ZSCAN5A: variants seen among roughly 807,000 people sequenced by gnomAD.
ZSCAN5A encodes zinc finger and SCAN domain containing 5A.
ZSCAN5A carries 12 observed loss-of-function variants against 23.7 expected under a neutral mutation model. That is an observed-to-expected ratio of 0.51 (90% CI 0.32 to 0.82). ZSCAN5A has a LOEUF of 0.82. Ranked by LOEUF, ZSCAN5A falls within the 40% of genes least tolerant of loss-of-function variation. The pLI is 0.03. For missense variants in ZSCAN5A, 597 were observed against 617.9 expected (o/e 0.97, Z 0.36); for synonymous variants, 257 against 239.9 (o/e 1.07, Z -0.66).
intron 2 of ZSCAN5A, among the ~76,000 whole-genome samples, chr19:56,299,626 C>T (rs1180736831): frequency 3.3e-5 from 5 of 152,106 alleles, no homozygotes; most frequent in African/African-American, 9.7e-5. Flanking sequence ...TGTTCAAGTC[C>T]GTGATATAAA....
rs201480874 is a variant in ZSCAN5A, at chr19:56,247,693, CTTTT to C, written c.-127-22524_-127-22521del. Among the ~76,000 whole-genome samples, 618 of 76,458 alleles carry C rather than the reference CTTTT, an allele frequency of 8.1e-3. 3 individuals carry two copies. Among genetic ancestry groups the C allele is most frequent in the African/African-American group, 0.031 (594 of 19,212 alleles). 50.2% of individuals were successfully genotyped at this position (76,458 alleles called of 152,430 possible). On this transcript the variant is annotated intron_variant, in intron 2 of 5. Transcript: ENST00000683990. ...ATGTGGGTGTGTGTTGCTGTTCTTT[CTTTT>C]ATTATTTTTTTTGAGACGGAGTCTT...
intron 2 of ZSCAN5A, among the ~76,000 whole-genome samples, chr19:56,274,096 G>C (rs2038065433): frequency 6.6e-6 from 1 of 152,146 alleles, no homozygotes; most frequent in African/African-American, 2.4e-5. Context: ...ATGCAGAAAG[G>C]CTCTCTTTAT....
intron 2 of ZSCAN5A, chr19:56,321,243 G>C: frequency 1.5e-6 from 1 of 670,888 alleles, no homozygotes. Flanking sequence ...AATATCAGTT[G>C]GGGTATCAGT....
At chr19:56,249,544 T>A (rs2036197264) in intron 2 of ZSCAN5A, among the ~76,000 whole-genome samples, 1 of 152,216 alleles carries the variant, frequency 6.6e-6, no homozygotes, top group South Asian at 2.1e-4. Context: ...TGTGCTGGGA[T>A]TACATGAGCA....
chr19:56,277,758 G>T (rs555947768), intron 2 of ZSCAN5A, among the ~76,000 whole-genome samples: 1 of 152,018 alleles, frequency 6.6e-6, no homozygotes, highest in Non-Finnish European at 1.5e-5. Context: ...CAGAAGGAAG[G>T]AGGGTGGCAG....
chr19:56,293,675 T>C (rs965725347), intron 2 of ZSCAN5A, among the ~76,000 whole-genome samples: 3 of 152,186 alleles, frequency 2.0e-5, no homozygotes, highest in Admixed American at 6.5e-5. Context: ...ATCATGCACT[T>C]GGCAGGATGA....
intron 2 of ZSCAN5A, among the ~76,000 whole-genome samples, chr19:56,354,335 A>G (rs2041688613): frequency 6.6e-6 from 1 of 150,940 alleles, no homozygotes; most frequent in Non-Finnish European, 1.5e-5. Context: ...GGTTTTTTAA[A>G]AGAGTATTAT....
intron 2 of ZSCAN5A, among the ~76,000 whole-genome samples, chr19:56,258,918 T>C (rs1054469009): frequency 2.0e-5 from 3 of 152,034 alleles, no homozygotes; most frequent in Admixed American, 2.0e-4. Flanking sequence ...GAGGCTGCCA[T>C]GTTGTGAGGG....
intron 2 of ZSCAN5A, among the ~76,000 whole-genome samples, chr19:56,326,305 TTGTGTGTG>T (rs368735639): frequency 3.4e-5 from 5 of 145,536 alleles, no homozygotes; most frequent in Non-Finnish European, 6.1e-5. Flanking sequence ...ACAGTTACCA[TTGTGTGTG>T]TGTGTGTGTG....
At chr19:56,266,263 T>C (rs2037461878) in intron 2 of ZSCAN5A, 2 of 152,198 alleles carry the variant, frequency 1.3e-5, no homozygotes, top group South Asian at 4.1e-4. Flanking sequence ...TAGCACCAAG[T>C]GATAGAGCCC....
At chr19:56,307,301 A>G (rs1356611404) in intron 2 of ZSCAN5A, among the ~76,000 whole-genome samples, 1 of 152,076 alleles carries the variant, frequency 6.6e-6, no homozygotes, top group Admixed American at 6.6e-5. Context: ...CATACGATAT[A>G]CCCCCACCCC....
chr19:56,240,445 C>T lies in ZSCAN5A; in HGVS notation c.-127-15272G>A, dbSNP rs138955142. Reference sequence around the variant, plus strand: ...ACTGGAAATGGGGCCTGGAGTCCTTCGACTTCTCCATAAATAGGCGCAGTT... The same window carrying T: ...ACTGGAAATGGGGCCTGGAGTCCTTTGACTTCTCCATAAATAGGCGCAGTT... On this transcript the variant is annotated intron_variant, in intron 2 of 5. Coordinates refer to ENST00000683990, the MANE Select transcript of ZSCAN5A (RefSeq NM_001322064.3). 4.3e-4 allele frequency among the ~76,000 whole-genome samples: 66 copies of T among 152,154 alleles called. 1 individual carries two copies. In the East Asian group the frequency reaches 8.5e-3, roughly 20 times the overall value.
intron 2 of ZSCAN5A, among the ~76,000 whole-genome samples, chr19:56,328,855 C>T (rs34422966): frequency 0.076 from 11,523 of 150,888 alleles, 503 homozygotes; most frequent in South Asian, 0.16. Context: ...ATTAGCTGGG[C>T]ATGGTGGCGG....
At chr19:56,290,440 C>T (rs1405387860) in intron 2 of ZSCAN5A, among the ~76,000 whole-genome samples, 2 of 152,172 alleles carry the variant, frequency 1.3e-5, no homozygotes, top group African/African-American at 4.8e-5. Context: ...CATTTATTGA[C>T]CTCTGAGCTA....
At chr19:56,249,336 A>G (rs1464272013) in intron 2 of ZSCAN5A, among the ~76,000 whole-genome samples, 2 of 152,164 alleles carry the variant, frequency 1.3e-5, no homozygotes, top group Non-Finnish European at 2.9e-5. Flanking sequence ...CAGTCGCGCA[A>G]TCTCGGCTCA....
chr19:56,360,278 GAACA>G (rs1240751824), intron 2 of ZSCAN5A, among the ~76,000 whole-genome samples: 1 of 151,970 alleles, frequency 6.6e-6, no homozygotes, highest in Non-Finnish European at 1.5e-5. Context: ...TATAAACCAA[GAACA>G]GACAAGCAGC....
At chr19:56,231,988 T>C (rs1223987422) in intron 2 of ZSCAN5A, among the ~76,000 whole-genome samples, 1 of 65,980 alleles carries the variant, frequency 1.5e-5, no homozygotes, top group East Asian at 4.2e-4. Flanking sequence ...TCTTTCTTTT[T>C]TTCTTTTCTT....
At chr19:56,228,326 C>G (rs1033308022) in intron 2 of ZSCAN5A, 17 of 985,250 alleles carry the variant, frequency 1.7e-5, no homozygotes, top group Non-Finnish European at 2.0e-5. Flanking sequence ...TGAACTGCGT[C>G]TATTTATGGA....
At chr19:56,258,283 A>G (rs1183226896) in intron 2 of ZSCAN5A, among the ~76,000 whole-genome samples, 1 of 152,232 alleles carries the variant, frequency 6.6e-6, no homozygotes, top group Non-Finnish European at 1.5e-5. Flanking sequence ...AGAGTCTTCC[A>G]TAAATACTGA....
Sources: gnomAD v4.1 joint callset for allele counts (sites outside exome capture counted in the v4.1 genomes callset) on GRCh38, gnomAD v4.1.1 for gene constraint, MANE v1.5 for transcripts, NCBI Gene and HGNC (gene_info 2026-07-23, HGNC 2026-07-21) for gene names.